Variants in TBC1D30 observed in about 807,000 individuals in gnomAD.
TBC1D30 encodes TBC1 domain family member 30, also known as TBC1 domain family, member 30.
TBC1D30 carries 31 observed loss-of-function variants against 63.2 expected under a neutral mutation model. The observed-to-expected ratio is 0.49, with a 90% CI of 0.37 to 0.66. The LOEUF is 0.66. Ranked by LOEUF, TBC1D30 falls within the 30% of genes least tolerant of loss-of-function variation. TBC1D30 has a pLI of 0.00. For missense variants in TBC1D30, 810 were observed against 953.6 expected, an observed-to-expected ratio of 0.85 and a Z score of 1.98; for synonymous variants, 307 against 361.5, an observed-to-expected ratio of 0.85 and a Z score of 1.71.
intron 1 of TBC1D30, among the ~76,000 whole-genome samples, chr12:64,785,125 A>T (rs548051788): frequency 2.6e-5 from 4 of 151,580 alleles, no homozygotes; most frequent in African/African-American, 9.7e-5. Context: ...TCATTTGTAA[A>T]CATAGATGAG....
chr12:64,802,700 A>T (rs1872651461), intron 2 of TBC1D30, among the ~76,000 whole-genome samples: 1 of 151,802 alleles, frequency 6.6e-6, no homozygotes, highest in African/African-American at 2.4e-5. Context: ...CCTGTGTCCA[A>T]GTGTTCTCAT....
chr12:64,861,893 C>T (rs1035463482), intron 8 of TBC1D30, among the ~76,000 whole-genome samples: 29 of 152,030 alleles, frequency 1.9e-4, no homozygotes. Context: ...CACTTTTTTC[C>T]ATAAGTGATG....
chr12:64,836,323 G>C (rs1023116558), intron 5 of TBC1D30, among the ~76,000 whole-genome samples, 167 bp from the exon 6 acceptor site: 1 of 152,192 alleles, frequency 6.6e-6, no homozygotes, highest in Admixed American at 6.5e-5. Flanking sequence ...CCCTAGCCAG[G>C]CTGTAGGAGA....
At chr12:64,868,754 CTTACTCCCTCTTCT>C in intron 10 of TBC1D30, 1 of 183,752 alleles carries the variant, frequency 5.4e-6, no homozygotes, top group Non-Finnish European at 1.1e-5. Context: ...AACAAGTCTA[CTTACTCCCTCTTCT>C]ACCTGACATC....
chr12:64,776,517 A>G (rs1021294137), upstream of TBC1D30, among the ~76,000 whole-genome samples: 5 of 152,198 alleles, frequency 3.3e-5, no homozygotes, highest in African/African-American at 1.2e-4. Context: ...AAAGAAATGG[A>G]TAAATTTCTG....
chr12:64,815,534 A>C (rs1873471895), intron 2 of TBC1D30, among the ~76,000 whole-genome samples: 1 of 152,226 alleles, frequency 6.6e-6, no homozygotes, highest in African/African-American at 2.4e-5. Context: ...GCAAAGTAAG[A>C]CTACTGTAGC....
chr12:64,866,982 G>A (rs1050105459), intron 10 of TBC1D30, 79 bp downstream of exon 10: 59 of 1,456,752 alleles, frequency 4.1e-5, no homozygotes, highest in Non-Finnish European at 5.1e-5. Flanking sequence ...TCCTATAGAT[G>A]CCCCAGTAAC....
At chr12:64,846,272 G>A (rs1042645988) in intron 8 of TBC1D30, among the ~76,000 whole-genome samples, 10 of 152,176 alleles carry the variant, frequency 6.6e-5, no homozygotes, top group African/African-American at 1.9e-4. Flanking sequence ...AGAAATTTTT[G>A]CCCACTCCAA....
At chr12:64,830,946 A>G (rs1220542527) in intron 4 of TBC1D30, among the ~76,000 whole-genome samples, 12 of 152,160 alleles carry the variant, frequency 7.9e-5, no homozygotes, top group Admixed American at 5.9e-4. Flanking sequence ...TTCCAACCAA[A>G]TACTTGTGGG....
At chr12:64,761,979 A>T (rs1245185039) in intron 1 of TBC1D30, among the ~76,000 whole-genome samples, 1 of 152,226 alleles carries the variant, frequency 6.6e-6, no homozygotes, top group African/African-American at 2.4e-5. Context: ...GAGATGGACA[A>T]TCTAATCTTG....
chr12:64,784,881 A>C (rs942260094), intron 1 of TBC1D30, among the ~76,000 whole-genome samples: 2 of 152,162 alleles, frequency 1.3e-5, no homozygotes, highest in Admixed American at 6.5e-5. Flanking sequence ...AAAAAAAAAA[A>C]AACTGCTGTT....
At chr12:64,867,203 C>T (rs952765865) in intron 10 of TBC1D30, among the ~76,000 whole-genome samples, 6 of 152,076 alleles carry the variant, frequency 3.9e-5, no homozygotes, top group African/African-American at 1.4e-4. Context: ...TGGTGGCTCA[C>T]GCTTGTAATC....
At chr12:64,834,570 C>G (rs1565666262) in intron 5 of TBC1D30, among the ~76,000 whole-genome samples, 1 of 151,808 alleles carries the variant, frequency 6.6e-6, no homozygotes, top group Non-Finnish European at 1.5e-5. Flanking sequence ...CCACGCCCAG[C>G]AAATTTTTAT....
At chr12:64,827,080 T>C (rs898419792) in intron 1 of TBC1D30, among the ~76,000 whole-genome samples, 13 of 152,236 alleles carry the variant, frequency 8.5e-5, no homozygotes, top group Non-Finnish European at 1.9e-4. Context: ...TCATTTGACT[T>C]TTGAAATTTG....
chr12:64,775,561 A>G (rs1309860765), upstream of TBC1D30, among the ~76,000 whole-genome samples: 1 of 152,218 alleles, frequency 6.6e-6, no homozygotes, highest in East Asian at 1.9e-4. Context: ...AAAGGGTTCA[A>G]TTCAACAAGA....
chr12:64,842,147 C>T (rs1875933789), intron 7 of TBC1D30, among the ~76,000 whole-genome samples: 1 of 152,136 alleles, frequency 6.6e-6, no homozygotes, highest in African/African-American at 2.4e-5. Context: ...CACTTGAAGC[C>T]AGGAGTTTGA....
At chr12:64,781,267 G>C in exon 1 of TBC1D30, 10 of 1,150,738 alleles carry the variant, frequency 8.7e-6, no homozygotes, top group Non-Finnish European at 1.1e-5. Flanking sequence ...GGCATCAGAT[G>C]CTGTACCTGC....
chr12:64,861,804 G>C (rs1430255239), intron 8 of TBC1D30, among the ~76,000 whole-genome samples: 1 of 152,128 alleles, frequency 6.6e-6, no homozygotes, highest in Non-Finnish European at 1.5e-5. Flanking sequence ...AACCCAAAGT[G>C]TTTGTGACTG....
In TBC1D30 at chr12:64,875,834, A is replaced by G. The variant is rs544953681; in HGVS notation, c.*46A>G. On this transcript the variant is annotated 3_prime_UTR_variant, in exon 12 of 12. Coordinates refer to ENST00000539867, the MANE Select transcript of TBC1D30 (RefSeq NM_015279.2). ...TCTGGACTCACCTTTTCACAGTAGT[A>G]TAAGGGTTGCAGCTGAATGGCTCTA... 2.3e-5 allele frequency: 34 copies of G among 1,470,052 alleles called. No individual in the cohort carries two copies. In the African/African-American group the frequency reaches 3.3e-4, roughly 14 times the overall value. 91.1% of individuals were successfully genotyped at this position (1,470,052 alleles called of 1,614,324 possible).
Sources: gnomAD v4.1 joint callset for allele counts (sites outside exome capture counted in the v4.1 genomes callset) on GRCh38, gnomAD v4.1.1 for gene constraint, MANE v1.5 for transcripts, NCBI Gene and HGNC (gene_info 2026-07-23, HGNC 2026-07-21) for gene names.